The following PRDM16 variants were observed in gnomAD, a reference collection of about 807,000 sequenced individuals.
PRDM16 encodes histone-lysine N-methyltransferase PRDM16.
Under a neutral mutation model 110.6 loss-of-function variants are expected in PRDM16, and 23 were observed. The ratio of observed to expected loss-of-function variants is 0.21; its 90% CI spans 0.15 to 0.29. The LOEUF (loss-of-function observed/expected upper bound fraction) is 0.29, where lower values mean the gene tolerates loss of function less well. Ranked by LOEUF, PRDM16 falls within the 10% of genes least tolerant of loss-of-function variation. The probability of loss-of-function intolerance (pLI) is 1.00; values close to 1 mark genes in which losing one functional copy is unlikely to be tolerated. For synonymous variants in PRDM16, 799 were observed against 781.8 expected (o/e 1.02, Z -0.37); for missense variants, 1,615 against 1,794.3 (o/e 0.90, Z 1.81).
chr1:3,209,617 A>T lies in PRDM16; in HGVS notation c.387+23143A>T, dbSNP rs1453709127. 6.6e-6 allele frequency among the ~76,000 whole-genome samples: 1 copy of T among 152,136 alleles called. No individual in the cohort carries two copies. Among genetic ancestry groups the T allele is most frequent in the Non-Finnish European group, 1.5e-5 (1 of 68,022 alleles). ...CCTCAGTGGAATGTCCTGGAACCTC[A>T]CTTCGGGATCCTTTGTCGAGACCAA... On this transcript the variant is annotated intron_variant, in intron 2 of 16. Transcript: ENST00000270722. This position sits in a 1 kb window ranked among gnomAD's most constrained non-coding sequence, Gnocchi z 4.6.
chr1:3,115,623 C>G (rs893274103), intron 1 of PRDM16, among the ~76,000 whole-genome samples: 1 of 152,188 alleles, frequency 6.6e-6, no homozygotes, highest in Non-Finnish European at 1.5e-5. Flanking sequence ...CGAGAGGGGG[C>G]GGGGGCCACG....
At chr1:3,409,574 T>C (rs1643633635) in intron 8 of PRDM16, among the ~76,000 whole-genome samples, 2 of 152,146 alleles carry the variant, frequency 1.3e-5, no homozygotes, top group Admixed American at 1.3e-4. Flanking sequence ...GCAAGAAGCT[T>C]GCTGAAATCA....
chr1:3,180,390 C>T (rs1352122199), intron 1 of PRDM16, among the ~76,000 whole-genome samples: 1 of 152,048 alleles, frequency 6.6e-6, no homozygotes, highest in Non-Finnish European at 1.5e-5. Flanking sequence ...CTTGAAATCA[C>T]GTGGCTGGGT....
rs1182175707 is a variant in PRDM16, at chr1:3,430,876, G to T, written c.3289G>T (p.Asp1097Tyr). The T allele has an allele frequency of 1.9e-6, 3 of 1,613,936 alleles. No individual in the cohort carries two copies. The African/African-American group carries it at 4.0e-5, about 22-fold the overall frequency. Residue 1097 changes from aspartate (D) to tyrosine (Y), a missense_variant, in exon 15 of 17, where the codon GAC (aspartate) becomes TAC (tyrosine). Transcript: ENST00000270722. ...QASTRTEKRA[D>Y]MQIVDGSAQC... ...TCTCCTCCTGCATCATTTCAGGGCG[G>T]ACATGCAGATCGTGGACGGCAGTGC...
At chr1:3,346,824 C>A (rs1376097404) in intron 3 of PRDM16, among the ~76,000 whole-genome samples, 1 of 152,214 alleles carries the variant, frequency 6.6e-6, no homozygotes, top group East Asian at 1.9e-4. Context: ...TAGTGACCGG[C>A]TGAACAGACG....
intron 1 of PRDM16, among the ~76,000 whole-genome samples, chr1:3,165,379 A>G (rs112839053): frequency 0.013 from 676 of 50,834 alleles, no homozygotes; most frequent in Middle Eastern, 0.03. Context: ...CTGGGCTCAG[A>G]GACAGGGACT....
rs188718173 is a variant in PRDM16 at position 3,242,707 on chromosome 1, A to G, written c.388-1380A>G. Among the ~76,000 whole-genome samples the G allele has an allele frequency of 5.9e-5, 9 of 152,286 alleles. 1 individual carries two copies. The highest frequency in any genetic ancestry group is 5.8e-4 in the East Asian group (3 of 5,174). On this transcript the variant is annotated intron_variant, in intron 2 of 16. Transcript: ENST00000270722. ...TGTGACTGGGAACGCCAGCTCGTCA[A>G]TTGCACCTTGGTAGGCACGCTGTGC...
intron 10 of PRDM16, among the ~76,000 whole-genome samples, chr1:3,414,931 G>T (rs529294856): frequency 1.4e-4 from 21 of 152,326 alleles, no homozygotes; most frequent in African/African-American, 5.1e-4. Flanking sequence ...CACTGGAGTC[G>T]TGGGCAGAGC....
intron 1 of PRDM16, among the ~76,000 whole-genome samples, chr1:3,129,860 T>C (rs1369353488): frequency 6.8e-6 from 1 of 147,052 alleles, no homozygotes; most frequent in Non-Finnish European, 1.5e-5. Flanking sequence ...CTGTCTGATT[T>C]TCTCTCCTCT....
chr1:3,323,286 G>A (rs1157497180), intron 3 of PRDM16, among the ~76,000 whole-genome samples: 2 of 152,192 alleles, frequency 1.3e-5, no homozygotes, highest in South Asian at 2.1e-4. Flanking sequence ...CCAAGACGAC[G>A]GTGAGAGTCC....
chr1:3,249,667 A>C (rs1245650136), intron 3 of PRDM16, among the ~76,000 whole-genome samples: 1 of 152,198 alleles, frequency 6.6e-6, no homozygotes, highest in Non-Finnish European at 1.5e-5. Context: ...GCTGCCCCGG[A>C]GACAGCCCCG....
chr1:3,429,317 C>T (rs1048615260), intron 14 of PRDM16, among the ~76,000 whole-genome samples: 1 of 152,252 alleles, frequency 6.6e-6, no homozygotes, highest in African/African-American at 2.4e-5. Flanking sequence ...ATTCTGTGTC[C>T]GTGCCGGATG....
At chr1:3,263,821 C>G (rs895318362) in intron 3 of PRDM16, among the ~76,000 whole-genome samples, 1 of 152,208 alleles carries the variant, frequency 6.6e-6, no homozygotes, top group Admixed American at 6.5e-5. Context: ...GAAAAGCGAC[C>G]CCTGGGCAGG....
rs75314382 is a variant in PRDM16, at chr1:3,171,154, G to A, written c.38-14971G>A. Among the ~76,000 whole-genome samples the A allele has an allele frequency of 9.4e-3, 1,435 of 152,350 alleles. 23 individuals are homozygous for A. Among genetic ancestry groups the A allele is most frequent in the African/African-American group, 0.033 (1,380 of 41,576 alleles). On this transcript the variant is annotated intron_variant, in intron 1 of 16. Transcript: ENST00000270722. Reference sequence around the variant, plus strand: ...CTTGCGATTTTTATTTCGGGGCCACGTTTGTTTACTTGCGGCGTGACTTGC... The same window carrying A: ...CTTGCGATTTTTATTTCGGGGCCACATTTGTTTACTTGCGGCGTGACTTGC...
intron 3 of PRDM16, among the ~76,000 whole-genome samples, chr1:3,364,683 C>T (rs1311722815): frequency 1.3e-5 from 2 of 152,238 alleles, no homozygotes; most frequent in African/African-American, 4.8e-5. Context: ...TGACTTCCTC[C>T]CCCACTCAGC....
intron 1 of PRDM16, among the ~76,000 whole-genome samples, chr1:3,089,905 CT>C (rs1405879774): frequency 2.7e-5 from 4 of 146,042 alleles, no homozygotes; most frequent in African/African-American, 5.3e-5. Context: ...GACCCAGCGT[CT>C]AAAATCCACT....
chr1:3,410,465 G>A (rs1460921262), intron 8 of PRDM16, among the ~76,000 whole-genome samples: 1 of 152,158 alleles, frequency 6.6e-6, no homozygotes, highest in African/African-American at 2.4e-5. Flanking sequence ...TAGGGCTCCT[G>A]CCCGGGGTGA....
chr1:3,257,748 T>G (rs1481715363), intron 3 of PRDM16, among the ~76,000 whole-genome samples: 1 of 152,142 alleles, frequency 6.6e-6, no homozygotes, highest in Non-Finnish European at 1.5e-5. Flanking sequence ...TTGAAGACAC[T>G]TCTCCATTTA....
intron 3 of PRDM16, among the ~76,000 whole-genome samples, chr1:3,312,475 C>CT (rs1368541294): frequency 6.6e-6 from 1 of 152,224 alleles, no homozygotes; most frequent in Non-Finnish European, 1.5e-5. Flanking sequence ...CCGGCTGCAC[C>CT]TCACAGCCGC....
Sources: gnomAD v4.1 joint callset for allele counts (sites outside exome capture counted in the v4.1 genomes callset) on GRCh38, gnomAD v4.1.1 for gene constraint, Gnocchi (gnomAD v3.1) non-coding constraint, MANE v1.5 for transcripts, NCBI Gene and HGNC (gene_info 2026-07-23, HGNC 2026-07-21) for gene names.